CDH23: variants seen among roughly 807,000 people sequenced by gnomAD.
The protein encoded by CDH23 is cadherin related 23, also known as cadherin-23.
A neutral mutation model predicts 317.1 loss-of-function variants in CDH23; 189 were observed. That is an observed-to-expected ratio of 0.60 (90% CI 0.53 to 0.67). CDH23 has a LOEUF of 0.67. CDH23 is among the 30% of genes least tolerant of loss of function. The pLI, the probability that CDH23 is intolerant of heterozygous loss-of-function variation, is 0.00. For missense variants in CDH23, 4,401 were observed against 4,592.4 expected (o/e 0.96, Z 1.20); for synonymous variants, 1,839 against 1,876.8 (o/e 0.98, Z 0.52).
At chr10:71,804,624 C>T (rs1841655867) in intron 55 of CDH23, among the ~76,000 whole-genome samples, 1 of 152,148 alleles carries the variant, frequency 6.6e-6, no homozygotes, top group Non-Finnish European at 1.5e-5. Flanking sequence ...GCTTTTTTAC[C>T]TTGTGTCTAG....
At chr10:71,471,417 C>T (rs1319993810) in intron 3 of CDH23, among the ~76,000 whole-genome samples, 1 of 152,200 alleles carries the variant, frequency 6.6e-6, no homozygotes, top group Middle Eastern at 3.2e-3. Context: ...TGTGATTGTG[C>T]CTTCTCTGTC....
In CDH23 at chr10:71,705,547, A is replaced by G. The variant is rs187728534; in HGVS notation, c.2953+417A>G. Among the ~76,000 whole-genome samples the G allele has an allele frequency of 1.1e-4, 16 of 152,254 alleles. No homozygotes were observed. The East Asian group carries it at 2.3e-3, about 22-fold the overall frequency. On this transcript the variant is annotated intron_variant, in intron 25 of 69. Transcript: ENST00000224721. ...GACATAAAGGAGACCTCCCCCTCCC[A>G]TGGGTGTGGAACCCCTGGACTGGCA...
intron 6 of CDH23, among the ~76,000 whole-genome samples, chr10:71,543,724 T>C (rs900975484): frequency 1.3e-5 from 2 of 152,366 alleles, no homozygotes; most frequent in East Asian, 1.9e-4. Flanking sequence ...TCAGGCTCTA[T>C]AGAGTTCAGG....
intron 1 of CDH23, among the ~76,000 whole-genome samples, chr10:71,403,412 C>CTTTCTTTCT (rs1554821127): frequency 8.7e-5 from 4 of 46,206 alleles, no homozygotes; most frequent in Non-Finnish European, 1.4e-4. Flanking sequence ...TCTTTCTCTT[C>CTTTCTTTCT]CTTCCTTCCT....
chr10:71,706,539 A>G (rs1236740298), intron 25 of CDH23, among the ~76,000 whole-genome samples: 1 of 152,224 alleles, frequency 6.6e-6, no homozygotes. Context: ...AAGCTCGTAA[A>G]TGGTCACTGT....
chr10:71,760,239 A>G lies in CDH23; in HGVS notation c.4846-17441A>G, dbSNP rs370785719. 7.0e-3 allele frequency among the ~76,000 whole-genome samples: 236 copies of G among 33,896 alleles called. 75 individuals are homozygous for G. The highest frequency in any genetic ancestry group is 0.018 in the African/African-American group (216 of 11,708). The allele number at this position is 33,896 out of a possible 152,430, so 22.2% of individuals were successfully genotyped here. A position where few individuals can be genotyped will look rare whatever the true frequency, so the allele number is the denominator to read the frequency against. On this transcript the variant is annotated intron_variant, in intron 38 of 69. Coordinates refer to ENST00000224721, the MANE Select transcript of CDH23 (RefSeq NM_022124.6). ...TATATGTGTATATATATGTATATAC[A>G]TATATATGTATGTATATATATGTAT...
intron 1 of CDH23, among the ~76,000 whole-genome samples, chr10:71,405,644 G>A (rs527827099): frequency 6.6e-6 from 1 of 152,190 alleles, no homozygotes; most frequent in South Asian, 2.1e-4. Flanking sequence ...CACCATGTTG[G>A]CCAGGCTGGT....
intron 32 of CDH23, 89 bp from the exon 33 acceptor site, chr10:71,734,151 A>G: frequency 9.8e-7 from 1 of 1,021,396 alleles, no homozygotes; most frequent in African/African-American, 1.6e-5. Context: ...GGACAGAGGA[A>G]GTGACATGGA....
At chr10:71,495,169 T>C (rs1182977885) in intron 3 of CDH23, among the ~76,000 whole-genome samples, 1 of 152,164 alleles carries the variant, frequency 6.6e-6, no homozygotes, top group Non-Finnish European at 1.5e-5. Context: ...AAAGTGCAAG[T>C]TTCATAAATC....
chr10:71,583,110 G>A (rs898527805), intron 9 of CDH23, among the ~76,000 whole-genome samples: 1 of 152,204 alleles, frequency 6.6e-6, no homozygotes, highest in Non-Finnish European at 1.5e-5. Flanking sequence ...CATTGCAGGA[G>A]GAGTAGGAAT....
intron 1 of CDH23, among the ~76,000 whole-genome samples, chr10:71,419,306 G>C (rs1187558889): frequency 6.6e-6 from 1 of 152,188 alleles, no homozygotes; most frequent in Non-Finnish European, 1.5e-5. Context: ...AGGGGGAATG[G>C]AGCAACATCC....
intron 42 of CDH23, among the ~76,000 whole-genome samples, 171 bp downstream of exon 42, chr10:71,784,591 CTT>C (rs1220203632): frequency 2.0e-5 from 3 of 152,234 alleles, no homozygotes; most frequent in Non-Finnish European, 4.4e-5. Flanking sequence ...TCCAGCAACT[CTT>C]TGGGGAGGCT....
intron 48 of CDH23, among the ~76,000 whole-genome samples, chr10:71,794,883 T>C (rs1303937667): frequency 6.6e-6 from 1 of 152,044 alleles, no homozygotes; most frequent in East Asian, 1.9e-4. Context: ...GATGGTGGAG[T>C]TGGGGCCATG....
chr10:71,501,603 C>T lies in CDH23; in HGVS notation c.146-8479C>T, dbSNP rs79906169. On this transcript the variant is annotated intron_variant, in intron 3 of 69. Transcript: ENST00000224721. ...ATGAAGAAAAGAGCTCCCCTGAGGT[C>T]AAACCAAGTTCAGGACCCAGGGCAT... Among the ~76,000 whole-genome samples, 178 of 152,272 alleles carry T rather than the reference C, an allele frequency of 1.2e-3. 3 individuals carry two copies. The East Asian group carries it at 0.031, about 27-fold the overall frequency.
intron 46 of CDH23, 36 bp from the exon 47 acceptor site, chr10:71,791,095 TC>T: frequency 6.4e-7 from 1 of 1,552,964 alleles, no homozygotes; most frequent in Non-Finnish European, 8.7e-7. Flanking sequence ...GCACCCCTTT[TC>T]TGTGTGTTTC....
intron 14 of CDH23, among the ~76,000 whole-genome samples, chr10:71,661,477 T>C (rs2132632735): frequency 6.6e-6 from 1 of 152,258 alleles, no homozygotes; most frequent in East Asian, 1.9e-4. Flanking sequence ...GGGAGGATGT[T>C]ACTGTGCCCT....
In CDH23 at chr10:71,581,196, C is replaced by T. The variant is rs149251607; in HGVS notation, c.832+3204C>T. Among the ~76,000 whole-genome samples the T allele has an allele frequency of 4.4e-3, 669 of 152,386 alleles. 2 individuals are homozygous for T. Among genetic ancestry groups the T allele is most frequent in the Non-Finnish European group, 6.3e-3 (426 of 68,040 alleles). On this transcript the variant is annotated intron_variant, in intron 9 of 69. Transcript: ENST00000224721. ...CATCTTCACAGCTGATTGCCCCAAG[C>T]TTGCCCTGAGTGCCCGGTAGGGGCC...
intron 6 of CDH23, among the ~76,000 whole-genome samples, chr10:71,517,868 C>G (rs970544777): frequency 6.6e-6 from 1 of 152,200 alleles, no homozygotes; most frequent in African/African-American, 2.4e-5. Context: ...CGGCGACCAC[C>G]CTGAGGTGCC....
At chr10:71,772,506 C>T (rs901641968) in intron 38 of CDH23, among the ~76,000 whole-genome samples, 1 of 152,258 alleles carries the variant, frequency 6.6e-6, no homozygotes, top group Non-Finnish European at 1.5e-5. Flanking sequence ...GCCTCTGCCC[C>T]CAGCCCGGGA....
Sources: allele counts gnomAD v4.1 joint callset (sites outside exome capture counted in the v4.1 genomes callset), GRCh38; gene constraint gnomAD v4.1.1; transcripts MANE v1.5; gene names NCBI Gene and HGNC (gene_info 2026-07-23, HGNC 2026-07-21).